The following PKNOX2 variants were observed in gnomAD, a reference collection of about 807,000 sequenced individuals.
PKNOX2 encodes PBX/knotted 1 homeobox 2.
In PKNOX2, 14 loss-of-function variants were observed where a neutral mutation model predicts 53.1. The ratio of observed to expected loss-of-function variants is 0.26; its 90% CI spans 0.17 to 0.41. The LOEUF (loss-of-function observed/expected upper bound fraction) is 0.41, where lower values mean the gene tolerates loss of function less well. Ranked by LOEUF, PKNOX2 falls within the 10% of genes least tolerant of loss-of-function variation. The pLI, the probability that PKNOX2 is intolerant of heterozygous loss-of-function variation, is 1.00. For missense variants in PKNOX2, 496 were observed against 602.8 expected, an observed-to-expected ratio of 0.82 and a Z score of 1.85; for synonymous variants, 257 against 242.8, an observed-to-expected ratio of 1.06 and a Z score of -0.54.
chr11:125,346,766 AAGGAGGGAGGGAAGAAGGGAC>A, intron 3 of PKNOX2, among the ~76,000 whole-genome samples: 1 of 150,882 alleles, frequency 6.6e-6, no homozygotes, highest in East Asian at 1.9e-4. Context: ...GGAAGGGAGG[AAGGAGGGAGGGAAGAAGGGAC>A]AGGAAGGGAG....
chr11:125,199,524 C>G (rs1938182890), intron 1 of PKNOX2, among the ~76,000 whole-genome samples: 1 of 152,204 alleles, frequency 6.6e-6, no homozygotes, highest in Non-Finnish European at 1.5e-5. Flanking sequence ...CCCAGGTCAG[C>G]AATGTGGGCT....
intron 4 of PKNOX2, among the ~76,000 whole-genome samples, chr11:125,357,347 A>G (rs1951675073): frequency 6.6e-6 from 1 of 152,178 alleles, no homozygotes. Flanking sequence ...CTTTATGCCC[A>G]TGTAGGAGAT....
At chr11:125,386,499 C>G (rs926103153) in intron 6 of PKNOX2, among the ~76,000 whole-genome samples, 17 of 152,232 alleles carry the variant, frequency 1.1e-4, no homozygotes, top group African/African-American at 3.9e-4. Context: ...ATTACTCTAA[C>G]TAGTCATCTT....
At chr11:125,295,386 T>C (rs892261388) in intron 2 of PKNOX2, among the ~76,000 whole-genome samples, 2 of 152,224 alleles carry the variant, frequency 1.3e-5, no homozygotes, top group Non-Finnish European at 2.9e-5. Context: ...GAATCAAACA[T>C]TCATGTGGAT....
At chr11:125,294,590 C>T (rs1252655352) in intron 2 of PKNOX2, among the ~76,000 whole-genome samples, 1 of 152,122 alleles carries the variant, frequency 6.6e-6, no homozygotes, top group African/African-American at 2.4e-5. Context: ...TGAGTCAGCC[C>T]TCCACAGTGG....
intron 2 of PKNOX2, among the ~76,000 whole-genome samples, chr11:125,300,614 A>G (rs551295981): frequency 3.3e-5 from 5 of 152,278 alleles, no homozygotes; most frequent in Non-Finnish European, 7.4e-5. Context: ...AAAGAGAGAG[A>G]CAGAGACAGA....
chr11:125,365,636 G>T (rs1952149338), intron 4 of PKNOX2, among the ~76,000 whole-genome samples: 1 of 152,330 alleles, frequency 6.6e-6, no homozygotes. Flanking sequence ...TGATTAAAGT[G>T]CTGAATAAGA....
chr11:125,425,513 G>A (rs1199703196), intron 10 of PKNOX2, among the ~76,000 whole-genome samples: 3 of 140,214 alleles, frequency 2.1e-5, no homozygotes, highest in Middle Eastern at 3.5e-3. Context: ...CTCCAATAAC[G>A]ATCAGAGAGC....
At chr11:125,368,045 T>C in intron 5 of PKNOX2, 60 bp downstream of exon 5, 1 of 1,559,812 alleles carries the variant, frequency 6.4e-7, no homozygotes, top group South Asian at 1.2e-5. Context: ...AGCTCAGCTG[T>C]GAGGGATGAG....
intron 10 of PKNOX2, among the ~76,000 whole-genome samples, chr11:125,415,424 T>A (rs1955820902): frequency 6.6e-6 from 1 of 152,072 alleles, no homozygotes; most frequent in Non-Finnish European, 1.5e-5. Context: ...CTAATTTTTA[T>A]ATTTTTAGTA....
intron 2 of PKNOX2, chr11:125,259,075 G>C (rs1187955131): frequency 6.1e-6 from 1 of 164,112 alleles, no homozygotes; most frequent in Non-Finnish European, 1.4e-5. Context: ...CAAGGAGCCA[G>C]CCACCACATC....
chr11:125,296,311 A>G (rs889353537), intron 2 of PKNOX2, among the ~76,000 whole-genome samples: 1 of 152,092 alleles, frequency 6.6e-6, no homozygotes, highest in African/African-American at 2.4e-5. Context: ...AGTCTACTCC[A>G]TAGTCTGCCG....
intron 1 of PKNOX2, among the ~76,000 whole-genome samples, chr11:125,192,097 A>C (rs632872): frequency 0.64 from 96,701 of 151,942 alleles, 30,941 homozygotes; most frequent in Non-Finnish European, 0.68. Context: ...AGGCTGGGGA[A>C]TTGCGGCAGG....
At chr11:125,376,662 T>C (rs1457460885) in intron 5 of PKNOX2, among the ~76,000 whole-genome samples, 1 of 152,206 alleles carries the variant, frequency 6.6e-6, no homozygotes, top group African/African-American at 2.4e-5. Flanking sequence ...CCAATAGTCA[T>C]TGCTTACTCC....
intron 2 of PKNOX2, among the ~76,000 whole-genome samples, chr11:125,269,123 A>T (rs1243218633): frequency 6.6e-6 from 1 of 152,202 alleles, no homozygotes; most frequent in Non-Finnish European, 1.5e-5. Flanking sequence ...AAAAATAAAG[A>T]AAGTGTGAAT....
intron 4 of PKNOX2, among the ~76,000 whole-genome samples, chr11:125,367,329 G>A (rs1369086574): frequency 6.6e-6 from 1 of 152,144 alleles, no homozygotes; most frequent in African/African-American, 2.4e-5. Context: ...ATCTTGAAGT[G>A]GCCAGGTAAA....
chr11:125,308,072 G>A (rs1470929099), intron 2 of PKNOX2, among the ~76,000 whole-genome samples: 5 of 152,218 alleles, frequency 3.3e-5, no homozygotes, highest in South Asian at 2.1e-4. Flanking sequence ...GATTGGAGAC[G>A]AGAATTTCCC....
Position 125,220,145 on chromosome 11 carries a change from AG to A in PKNOX2, c.-200-14899del, listed in dbSNP as rs540947000. Among the ~76,000 whole-genome samples the A allele has an allele frequency of 6.0e-4, 92 of 152,318 alleles. 1 individual carries two copies. Among genetic ancestry groups the A allele is most frequent in the African/African-American group, 2.1e-3 (89 of 41,574 alleles). On this transcript the variant is annotated intron_variant, in intron 1 of 12. Coordinates refer to ENST00000298282, the MANE Select transcript of PKNOX2 (RefSeq NM_001382323.2). ...TAAAAAGGAAAAAAATAACCCACCA[AG>A]TTTAAAAAAAAGTGTGTATAAAAAG... is the stretch of plus-strand genomic sequence containing the variant.
In PKNOX2 at chr11:125,166,921, G is replaced by C. The variant is rs1040580899; in HGVS notation, c.-201+2145G>C. On this transcript the variant is annotated intron_variant, in intron 1 of 12. Coordinates refer to ENST00000298282, the MANE Select transcript of PKNOX2 (RefSeq NM_001382323.2). The surrounding 1 kb of genome is among the most constrained non-coding windows in gnomAD (Gnocchi z 4.0). ...TTAGGCAGTTTAGACGATCCTCCCC[G>C]CCCCAAATCTGAGAATGATGGTGTT... 6.6e-6 allele frequency among the ~76,000 whole-genome samples: 1 copy of C among 152,062 alleles called. No individual in the cohort carries two copies. Among genetic ancestry groups the C allele is most frequent in the African/African-American group, 2.4e-5 (1 of 41,414 alleles).
Sources: gnomAD v4.1 joint callset for allele counts (sites outside exome capture counted in the v4.1 genomes callset) on GRCh38, gnomAD v4.1.1 for gene constraint, Gnocchi (gnomAD v3.1) non-coding constraint, MANE v1.5 for transcripts, NCBI Gene and HGNC (gene_info 2026-07-23, HGNC 2026-07-21) for gene names.